GATA2: variants seen among roughly 807,000 people sequenced by gnomAD.
The protein encoded by GATA2 is endothelial transcription factor GATA-2.
In GATA2, 6 loss-of-function variants were observed where a neutral mutation model predicts 35.7. That is an observed-to-expected ratio of 0.17 (90% CI 0.09 to 0.33). The LOEUF is 0.33. GATA2 is among the 10% of genes least tolerant of loss of function. The pLI is 1.00. For synonymous variants in GATA2, 313 were observed against 274.9 expected (o/e 1.14, Z -1.37); for missense variants, 541 against 656.6 (o/e 0.82, Z 1.92).
rs1126561 is a variant in GATA2, at chr3:128,481,010, A to T, written c.*9T>A. ...CGGGAGTGCCCGGTCCTCGACGTCC[A>T]TCTGTTCCCTAGCCCATGGCGGTCA... On this transcript the variant is annotated 3_prime_UTR_variant, in exon 6 of 6. Coordinates refer to ENST00000341105, the MANE Select transcript of GATA2 (RefSeq NM_032638.5). The T allele has an allele frequency of 6.4e-7, 1 of 1,556,758 alleles. No individual in the cohort carries two copies.
Position 128,480,739 on chromosome 3 carries a change from G to A in GATA2, c.*280C>T, listed in dbSNP as rs560930883. On this transcript the variant is annotated 3_prime_UTR_variant, in exon 6 of 6. Coordinates refer to ENST00000341105, the MANE Select transcript of GATA2 (RefSeq NM_032638.5). The stretch of plus-strand genomic sequence containing the variant: ...AAAAATGGTTGCCTTCGTCTGTCCC[G>A]TCCCCTCCTTTTCTCTACATAAAGT... The A allele has an allele frequency of 3.1e-4, 137 of 445,548 alleles. No individual in the cohort carries two copies. Among genetic ancestry groups the A allele is most frequent in the Non-Finnish European group, 3.9e-4 (100 of 253,488 alleles). The allele number at this position is 445,548 out of a possible 1,614,324, so 27.6% of individuals were successfully genotyped here.
At chr3:128,492,617 G>A (rs1183161470) in intron 1 of GATA2, among the ~76,000 whole-genome samples, 8 of 152,218 alleles carry the variant, frequency 5.3e-5, no homozygotes, top group African/African-American at 1.9e-4. Context: ...CCGGGAGGCG[G>A]GGGTGCTTTG....
At chr3:128,486,437 T>A in intron 2 of GATA2, 69 bp from the exon 3 acceptor site, 1 of 1,540,726 alleles carries the variant, frequency 6.5e-7, no homozygotes, top group Non-Finnish European at 8.7e-7. Context: ...GGGACGCCCC[T>A]GACAGACATT....
rs1284865421 is a variant in GATA2, at chr3:128,487,108, C to T, written c.-45-32G>A. 6 of 1,260,042 alleles carry T rather than the reference C, an allele frequency of 4.8e-6. No individual in the cohort carries two copies. The African/African-American group carries it at 9.0e-5, about 19-fold the overall frequency. 78.1% of individuals were successfully genotyped at this position (1,260,042 alleles called of 1,614,324 possible). On this transcript the variant is annotated intron_variant, in intron 1 of 5. Coordinates refer to ENST00000341105, the MANE Select transcript of GATA2 (RefSeq NM_032638.5). ...GAGGAAGGGGGAGTGAGGCGTGCCG[C>T]CAGCGCCTGACACCCCCCAAAGTCC...
rs563365971 is a variant in GATA2 at position 128,480,225 on chromosome 3, G to GGAT, written c.*791_*793dup. 202 of 233,308 alleles carry GGAT rather than the reference G, an allele frequency of 8.7e-4. 1 individual carries two copies. The highest frequency in any genetic ancestry group is 4.0e-3 in the African/African-American group (181 of 45,454). 14.5% of individuals were successfully genotyped at this position (233,308 alleles called of 1,614,324 possible). ...GGGGGTTGAAGGGTTAGCAGAAAAAGGATGTATTTACAGGGTCCACCTGAC... is the reference window on the plus strand; with the variant it reads ...GGGGGTTGAAGGGTTAGCAGAAAAAGGATGATGTATTTACAGGGTCCACCTGAC... On this transcript the variant is annotated 3_prime_UTR_variant, in exon 6 of 6. Transcript: ENST00000341105.
At chr3:128,489,549 C>G (rs567416173) in intron 1 of GATA2, 4 of 152,294 alleles carry the variant, frequency 2.6e-5, no homozygotes, top group East Asian at 1.9e-4. Flanking sequence ...GCGCGGAGCC[C>G]GGTCTGCTCG....
intron 1 of GATA2, chr3:128,489,194 C>G (rs1241074002): frequency 6.6e-6 from 1 of 152,198 alleles, no homozygotes; most frequent in East Asian, 1.9e-4. Flanking sequence ...TGACGTCACC[C>G]GATTCGCCAG....
rs1369723974 is a variant in GATA2, at chr3:128,488,736, G to T, written c.-45-1660C>A. 6.6e-6 allele frequency among the ~76,000 whole-genome samples: 1 copy of T among 152,126 alleles called. No homozygotes were observed. The highest frequency in any genetic ancestry group is 1.5e-5 in the Non-Finnish European group (1 of 67,994). ...GGTCCCCGAGGTGGCCTCTGGTGAG[G>T]GGGAGGCGGTGGTCTGAGGTCTCCG... On this transcript the variant is annotated intron_variant, in intron 1 of 5. Transcript: ENST00000341105. This position sits in a 1 kb window ranked among gnomAD's most constrained non-coding sequence, Gnocchi z 5.8.
chr3:128,481,791 C>T (rs776077080), intron 5 of GATA2, 28 bp downstream of exon 5: 7 of 1,583,090 alleles, frequency 4.4e-6, no homozygotes, highest in Admixed American at 1.7e-5. Flanking sequence ...CTGGGAGGGG[C>T]GGGGTGGCCG....
Position 128,488,839 on chromosome 3 carries a change from C to T in GATA2, c.-45-1763G>A, listed in dbSNP as rs892378840. Among the ~76,000 whole-genome samples, 20 of 152,164 alleles carry T rather than the reference C, an allele frequency of 1.3e-4. No homozygotes were observed. The East Asian group carries it at 3.9e-3, about 29-fold the overall frequency. On this transcript the variant is annotated intron_variant, in intron 1 of 5. Transcript: ENST00000341105. The surrounding 1 kb of genome is among the most constrained non-coding windows in gnomAD (Gnocchi z 5.8). ...CTCTATGGTTCGTGTGGGCCGGGCGCACAAGTCTTCCTCCCTCCCATTGTA... is the reference window on the plus strand; with the variant it reads ...CTCTATGGTTCGTGTGGGCCGGGCGTACAAGTCTTCCTCCCTCCCATTGTA...
intron 1 of GATA2, chr3:128,492,183 G>A (rs540752281): frequency 1.1e-4 from 16 of 152,310 alleles, no homozygotes; most frequent in African/African-American, 3.1e-4. Context: ...CTGAACGCGG[G>A]GCCTTTCCCC....
At chr3:128,485,329 C>T (rs760071437) in intron 3 of GATA2, among the ~76,000 whole-genome samples, 1 of 152,176 alleles carries the variant, frequency 6.6e-6, no homozygotes, top group Non-Finnish European at 1.5e-5. Context: ...CACAGACACA[C>T]GTATACACAT....
chr3:128,486,807 C>A lies in GATA2; in HGVS notation c.225G>T (p.Ala75=). Residue 75 remains alanine (A), a synonymous_variant, in exon 2 of 6, where the codon GCG becomes GCT. Coordinates refer to ENST00000341105, the MANE Select transcript of GATA2 (RefSeq NM_032638.5). ...HARARVSYSP[A]HARLTGGQMC... ...CACCACGGGCCCAGTGCTCACCGTGCGCGGGGCTGTAGGAGACGCGCGCCC... is the reference window on the plus strand; with the variant it reads ...CACCACGGGCCCAGTGCTCACCGTGAGCGGGGCTGTAGGAGACGCGCGCCC... 1 of 1,602,228 alleles carries A rather than the reference C, an allele frequency of 6.2e-7. No homozygotes were observed. Among genetic ancestry groups the A allele is most frequent in the South Asian group, 1.1e-5 (1 of 88,638 alleles).
intron 3 of GATA2, among the ~76,000 whole-genome samples, chr3:128,485,003 C>G (rs1396554603): frequency 6.6e-6 from 1 of 152,228 alleles, no homozygotes; most frequent in Non-Finnish European, 1.5e-5. Context: ...GAACTCCACA[C>G]TAGCCACGAG....
In GATA2 at chr3:128,484,006, C is replaced by A; in HGVS notation, c.872-1G>T. 1 of 1,613,276 alleles carries A rather than the reference C, an allele frequency of 6.2e-7. No homozygotes were observed. The highest frequency in any genetic ancestry group is 8.5e-7 in the Non-Finnish European group (1 of 1,179,986). ...CCACAGTTGACACACTCCCGGCCTT[C>A]TGCAGGGGAACAGGGAGAGACACGG... On this transcript the variant is annotated splice_acceptor_variant, in intron 3 of 5. Coordinates refer to ENST00000341105, the MANE Select transcript of GATA2 (RefSeq NM_032638.5). LOFTEE classifies it high-confidence loss of function.
Position 128,487,036 on chromosome 3 carries a change from G to C in GATA2, c.-5C>G, listed in dbSNP as rs374415484. 4.6e-4 allele frequency: 720 copies of C among 1,554,656 alleles called. 4 individuals carry two copies. The African/African-American group carries it at 8.8e-3, about 19-fold the overall frequency. On this transcript the variant is annotated 5_prime_UTR_variant, in exon 2 of 6. Transcript: ENST00000341105. Reference sequence around the variant, plus strand: ...CTGCTCGGGCGCCACCTCCATGGCCGGCGGCGGCGGCTCAGGGTCTGGGTG... The same window carrying C: ...CTGCTCGGGCGCCACCTCCATGGCCCGCGGCGGCGGCTCAGGGTCTGGGTG...
chr3:128,490,514 A>C (rs1576752791), intron 1 of GATA2: 1 of 152,310 alleles, frequency 6.6e-6, no homozygotes, highest in South Asian at 2.1e-4. Flanking sequence ...CGAAGCCTCC[A>C]CCTCGGTTGC....
At chr3:128,482,060 A>C in intron 4 of GATA2, 116 bp from the exon 5 acceptor site, 465 of 1,291,230 alleles carry the variant, frequency 3.6e-4, no homozygotes, top group Non-Finnish European at 4.7e-4. Flanking sequence ...GCTAAATCTC[A>C]CATGGGAATC....
Position 128,488,146 on chromosome 3 carries a change from C to T in GATA2, c.-45-1070G>A, listed in dbSNP as rs2068731392. Among the ~76,000 whole-genome samples the T allele has an allele frequency of 6.6e-6, 1 of 152,152 alleles. No individual in the cohort carries two copies. The highest frequency in any genetic ancestry group is 1.5e-5 in the Non-Finnish European group (1 of 68,014). On this transcript the variant is annotated intron_variant, in intron 1 of 5. Coordinates refer to ENST00000341105, the MANE Select transcript of GATA2 (RefSeq NM_032638.5). The surrounding 1 kb of genome is among the most constrained non-coding windows in gnomAD (Gnocchi z 5.8). ...ACGCGCCCCACCACTAAGGGACCCT[C>T]ACCCCAAGGCCCGACCCCTGCAGCC...
Sources: allele counts gnomAD v4.1 joint callset (sites outside exome capture counted in the v4.1 genomes callset), GRCh38; gene constraint gnomAD v4.1.1; non-coding constraint Gnocchi (gnomAD v3.1); transcripts MANE v1.5; gene names NCBI Gene and HGNC (gene_info 2026-07-23, HGNC 2026-07-21).